CDH13: variants seen among roughly 807,000 people sequenced by gnomAD.
CDH13 encodes the protein cadherin 13.
CDH13 carries 24 observed loss-of-function variants against 63.8 expected under a neutral mutation model. The observed-to-expected ratio is 0.38, with a 90% CI of 0.27 to 0.53. The LOEUF is 0.53. Ranked by LOEUF, CDH13 falls within the 20% of genes least tolerant of loss-of-function variation. The pLI, the probability that CDH13 is intolerant of heterozygous loss-of-function variation, is 0.85. For missense variants in CDH13, 1,049 were observed against 903.1 expected (o/e 1.16, Z -2.07); for synonymous variants, 503 against 355.3 (o/e 1.42, Z -4.67).
chr16:82,987,813 G>A (rs1207149965), intron 2 of CDH13, among the ~76,000 whole-genome samples: 2 of 152,220 alleles, frequency 1.3e-5, no homozygotes, highest in Non-Finnish European at 2.9e-5. Flanking sequence ...CTATTGCTTA[G>A]AGACTCAAGG....
chr16:83,444,207 G>C (rs1189983715), intron 6 of CDH13, among the ~76,000 whole-genome samples: 1 of 152,114 alleles, frequency 6.6e-6, no homozygotes, highest in Non-Finnish European at 1.5e-5. Context: ...TGATGATGAT[G>C]ATAATGATGA....
intron 8 of CDH13, among the ~76,000 whole-genome samples, chr16:83,658,498 C>T (rs1306084314): frequency 6.8e-6 from 1 of 147,536 alleles, no homozygotes; most frequent in Non-Finnish European, 1.5e-5. Flanking sequence ...TCCTCACCAG[C>T]AAGGTCCCAT....
chr16:82,848,733 G>A (rs1382965757), intron 1 of CDH13, among the ~76,000 whole-genome samples: 1 of 152,130 alleles, frequency 6.6e-6, no homozygotes, highest in East Asian at 1.9e-4. Context: ...CAATATTGAA[G>A]TTAGGCCAAT....
chr16:82,665,088 G>T (rs1249439664), intron 1 of CDH13, among the ~76,000 whole-genome samples: 1 of 152,152 alleles, frequency 6.6e-6, no homozygotes, highest in Non-Finnish European at 1.5e-5. Flanking sequence ...TATGCTTCCA[G>T]GTGCATTCAA....
chr16:82,674,024 G>A (rs183917575), intron 1 of CDH13, among the ~76,000 whole-genome samples: 1 of 152,346 alleles, frequency 6.6e-6, no homozygotes, highest in East Asian at 1.9e-4. Flanking sequence ...AGGGCTCGAA[G>A]AAGGGGAACA....
chr16:83,394,135 A>G (rs902479533), intron 6 of CDH13, among the ~76,000 whole-genome samples: 6 of 152,046 alleles, frequency 3.9e-5, no homozygotes, highest in African/African-American at 1.4e-4. Flanking sequence ...AAAAATAACT[A>G]TTGGTTACTA....
chr16:82,973,917 C>A (rs1909132081), intron 2 of CDH13, among the ~76,000 whole-genome samples: 1 of 152,006 alleles, frequency 6.6e-6, no homozygotes, highest in Admixed American at 6.6e-5. Flanking sequence ...CCTCTCTAAG[C>A]ATTTTTGGTT....
chr16:83,447,345 G>A (rs879738403), intron 6 of CDH13, among the ~76,000 whole-genome samples: 19 of 151,810 alleles, frequency 1.3e-4, no homozygotes, highest in Non-Finnish European at 1.8e-4. Context: ...AACCTGGGAG[G>A]CAGATGTTGC....
intron 1 of CDH13, among the ~76,000 whole-genome samples, chr16:82,752,254 G>T (rs952248196): frequency 1.3e-5 from 2 of 152,184 alleles, no homozygotes; most frequent in African/African-American, 4.8e-5. Context: ...AAATGTAATG[G>T]AACTAATAGT....
intron 1 of CDH13, among the ~76,000 whole-genome samples, chr16:82,836,092 G>T (rs953436541): frequency 1.1e-4 from 16 of 152,098 alleles, no homozygotes; most frequent in African/African-American, 3.9e-4. Context: ...TATGAACTTT[G>T]CATGTGAAAG....
chr16:82,863,901 G>A (rs2325689), intron 2 of CDH13, among the ~76,000 whole-genome samples: 4 of 151,460 alleles, frequency 2.6e-5, no homozygotes, highest in Non-Finnish European at 4.4e-5. Context: ...TAAAAAATTG[G>A]TAAGACTTGG....
At chr16:83,260,338 A>G (rs1201472235) in intron 5 of CDH13, among the ~76,000 whole-genome samples, 1 of 152,206 alleles carries the variant, frequency 6.6e-6, no homozygotes, top group African/African-American at 2.4e-5. Context: ...CTGCAAAAAT[A>G]CTTAAGTGGA....
At position 83,559,247 on chromosome 16, in the gene CDH13, T is replaced by G. The variant is rs4782817; in HGVS notation, c.961-43207T>G. The stretch of plus-strand genomic sequence containing the variant: ...ATGAGCCAGGCAATGTGTTGATCAC[T>G]TCACATGTAGTATGGTCTTTAATTT... On this transcript the variant is annotated intron_variant, in intron 7 of 13. Transcript: ENST00000567109. 6.6e-5 allele frequency among the ~76,000 whole-genome samples: 10 copies of G among 152,140 alleles called. No homozygotes were observed. The East Asian group carries it at 1.9e-3, about 29-fold the overall frequency.
intron 3 of CDH13, among the ~76,000 whole-genome samples, chr16:83,058,558 T>C (rs188259520): frequency 1.3e-4 from 20 of 152,310 alleles, no homozygotes; most frequent in African/African-American, 4.3e-4. Context: ...ATGGCATAGC[T>C]GGTGAGGGCT....
intron 4 of CDH13, among the ~76,000 whole-genome samples, chr16:83,185,935 C>T (rs1001772652): frequency 6.6e-6 from 1 of 152,048 alleles, no homozygotes; most frequent in Admixed American, 6.6e-5. Context: ...GTCCGAAAAC[C>T]AATTATCATC....
intron 5 of CDH13, among the ~76,000 whole-genome samples, chr16:83,324,710 G>GT (rs2090320808): frequency 6.6e-6 from 1 of 152,198 alleles, no homozygotes; most frequent in Non-Finnish European, 1.5e-5. Flanking sequence ...TTTAAAATGC[G>GT]TAAGTGTTTT....
At chr16:82,641,949 T>C (rs1480004354) in intron 1 of CDH13, among the ~76,000 whole-genome samples, 1 of 151,994 alleles carries the variant, frequency 6.6e-6, no homozygotes, top group Non-Finnish European at 1.5e-5. Flanking sequence ...CAGGCAGAGG[T>C]CATGGCGCTT....
intron 11 of CDH13, among the ~76,000 whole-genome samples, chr16:83,776,516 TA>T (rs1798862289): frequency 6.6e-6 from 1 of 152,230 alleles, no homozygotes; most frequent in Non-Finnish European, 1.5e-5. Context: ...AGCAGACATT[TA>T]TTTGAATGTT....
chr16:82,880,876 G>T (rs2040679697), intron 2 of CDH13, among the ~76,000 whole-genome samples: 1 of 152,180 alleles, frequency 6.6e-6, no homozygotes, highest in Non-Finnish European at 1.5e-5. Flanking sequence ...GAGAACCTCA[G>T]TGTTACCATT....
Sources: gnomAD v4.1 joint callset for allele counts (sites outside exome capture counted in the v4.1 genomes callset) on GRCh38, gnomAD v4.1.1 for gene constraint, MANE v1.5 for transcripts, NCBI Gene and HGNC (gene_info 2026-07-23, HGNC 2026-07-21) for gene names.